Variants in EDA observed in about 807,000 individuals in gnomAD.
EDA encodes ectodysplasin-A.
EDA carries 2 observed loss-of-function variants against 23.6 expected under a neutral mutation model. That is an observed-to-expected ratio of 0.08 (90% CI 0.03 to 0.27). EDA has a LOEUF of 0.27. EDA is among the 10% of genes least tolerant of loss of function. The pLI, the probability that EDA is intolerant of heterozygous loss-of-function variation, is 1.00. For synonymous variants in EDA, 131 were observed against 132.0 expected, an observed-to-expected ratio of 0.99 and a Z score of 0.05; for missense variants, 229 against 324.2, an observed-to-expected ratio of 0.71 and a Z score of 2.26.
rs1216793513 is a variant in EDA at position 69,923,375 on chromosome X, T to G, written c.397-33652T>G. Among the ~76,000 whole-genome samples, 3 of 110,443 alleles carry G rather than the reference T, an allele frequency of 2.7e-5. No homozygotes were observed. In the Admixed American group the frequency reaches 2.9e-4, roughly 11 times the overall value. On this transcript the variant is annotated intron_variant, in intron 1 of 7. Transcript: ENST00000374552. ...TTATTGTTCAACTCCCACTTATGAG[T>G]GAGAACATGAGGTGTTTGGTTTTCT...
Position 69,956,309 on chromosome X carries a change from TTC to T in EDA, c.397-714_397-713del, listed in dbSNP as rs376974154. On this transcript the variant is annotated intron_variant, in intron 1 of 7. Coordinates refer to ENST00000374552, the MANE Select transcript of EDA (RefSeq NM_001399.5). Reference sequence around the variant, plus strand: ...TTTCTTTCTTTCTTTCTTTCTTTCTTTCTCTTTCTCTTTCTCTTTCTCTTTCT... The same window carrying T: ...TTTCTTTCTTTCTTTCTTTCTTTCTTTCTTTCTCTTTCTCTTTCTCTTTCT... Among the ~76,000 whole-genome samples, 703 of 87,851 alleles carry T rather than the reference TTC, an allele frequency of 8.0e-3. 7 individuals are homozygous for T. The highest frequency in any genetic ancestry group is 0.029 in the African/African-American group (647 of 22,344). The allele number at this position is 87,851 out of a possible 115,157, so 76.3% of individuals were successfully genotyped here.
chrX:69,937,625 A>G (rs2018693515), intron 1 of EDA: 5 of 1,109,256 alleles, frequency 4.5e-6, no homozygotes, highest in Non-Finnish European at 3.7e-6. Context: ...ACTGGGTCTC[A>G]ATTCCTTCCT....
intron 2 of EDA, among the ~76,000 whole-genome samples, chrX:69,983,185 C>A (rs1602584731): frequency 2.0e-5 from 1 of 50,299 alleles, no homozygotes. Flanking sequence ...GAATACAGCA[C>A]ACTGATGGGT....
At chrX:69,711,973 G>C (rs1302036045) in intron 1 of EDA, among the ~76,000 whole-genome samples, 3 of 110,873 alleles carry the variant, frequency 2.7e-5, no homozygotes, top group South Asian at 3.8e-4. Flanking sequence ...TTTTTGAAGG[G>C]TTTTTTGTGT....
intron 1 of EDA, among the ~76,000 whole-genome samples, chrX:69,795,411 G>C (rs2015517251): frequency 8.9e-6 from 1 of 112,606 alleles, no homozygotes; most frequent in East Asian, 2.8e-4. Flanking sequence ...CTAAATCTTT[G>C]TGTACATCCT....
chrX:69,621,473 A>G (rs1435834639), intron 1 of EDA, among the ~76,000 whole-genome samples: 1 of 112,087 alleles, frequency 8.9e-6, no homozygotes, highest in Non-Finnish European at 1.9e-5. Context: ...ATAGAACATT[A>G]TTATATGCCA....
At chrX:69,910,403 G>A (rs905299540) in intron 1 of EDA, among the ~76,000 whole-genome samples, 10 of 106,687 alleles carry the variant, frequency 9.4e-5, no homozygotes, top group African/African-American at 3.4e-4. Context: ...GTGTGTGTGT[G>A]TGTGTGTGTG....
intron 1 of EDA, among the ~76,000 whole-genome samples, chrX:69,773,570 C>G (rs2014696646): frequency 9.0e-6 from 1 of 111,533 alleles, no homozygotes; most frequent in African/African-American, 3.3e-5. Context: ...CTTGCCAACA[C>G]TTGTTATTTT....
chrX:69,703,667 C>T (rs2011603780), intron 1 of EDA, among the ~76,000 whole-genome samples: 1 of 111,642 alleles, frequency 9.0e-6, no homozygotes, highest in Non-Finnish European at 1.9e-5. Context: ...CGGCCTCTCT[C>T]TCGGTCTTCA....
chrX:69,901,865 A>T (rs145292375), intron 1 of EDA, among the ~76,000 whole-genome samples: 2 of 111,795 alleles, frequency 1.8e-5, no homozygotes, highest in East Asian at 5.6e-4. Flanking sequence ...TTCAATTCAC[A>T]CATTCTTTCT....
chrX:69,724,303 C>A (rs2012707253), intron 1 of EDA, among the ~76,000 whole-genome samples: 1 of 111,815 alleles, frequency 8.9e-6, no homozygotes, highest in Non-Finnish European at 1.9e-5. Context: ...AGTCCTTGGG[C>A]CTGATTTGGA....
chrX:69,654,346 G>T (rs1445842589), intron 1 of EDA, among the ~76,000 whole-genome samples: 1 of 111,526 alleles, frequency 9.0e-6, no homozygotes, highest in Non-Finnish European at 1.9e-5. Context: ...TACACTGTTG[G>T]TAGGACTGTA....
At position 69,746,738 on chromosome X, in the gene EDA, C is replaced by A. The variant is rs189711151; in HGVS notation, c.396+130034C>A. On this transcript the variant is annotated intron_variant, in intron 1 of 7. Transcript: ENST00000374552. Reference sequence around the variant, plus strand: ...AGGGATTCCTACCCTCCTCTTTGCCCTCCGCACCAAAATAAAAAAGAAAGA... The same window carrying A: ...AGGGATTCCTACCCTCCTCTTTGCCATCCGCACCAAAATAAAAAAGAAAGA... Among the ~76,000 whole-genome samples the A allele has an allele frequency of 2.5e-3, 280 of 110,804 alleles. 4 individuals are homozygous for A. The highest frequency in any genetic ancestry group is 0.024 in the Admixed American group (245 of 10,420).
intron 1 of EDA, among the ~76,000 whole-genome samples, chrX:69,639,656 A>G (rs975670417): frequency 9.0e-6 from 1 of 111,615 alleles, no homozygotes; most frequent in Non-Finnish European, 1.9e-5. Flanking sequence ...TATATTCTAG[A>G]TATTAACCTC....
intron 1 of EDA, among the ~76,000 whole-genome samples, chrX:69,945,974 G>C (rs1170646348): frequency 8.9e-6 from 1 of 111,988 alleles, no homozygotes; most frequent in African/African-American, 3.2e-5. Context: ...GACACACCTG[G>C]ACACATGGGG....
chrX:70,004,504 A>G lies in EDA; in HGVS notation c.503-18714A>G, dbSNP rs184279564. Among the ~76,000 whole-genome samples, 96 of 112,088 alleles carry G rather than the reference A, an allele frequency of 8.6e-4. 1 individual carries two copies. Among genetic ancestry groups the G allele is most frequent in the African/African-American group, 3.1e-3 (94 of 30,801 alleles). On this transcript the variant is annotated intron_variant, in intron 2 of 7. Transcript: ENST00000374552. ...ATTCAAAATTCTCACTCTTCTTTGA[A>G]GCTAATGGCTTCTATCTTCTTCATA...
chrX:69,633,677 C>T (rs1433516912), intron 1 of EDA, among the ~76,000 whole-genome samples: 1 of 69,942 alleles, frequency 1.4e-5, no homozygotes, highest in Non-Finnish European at 2.5e-5. Context: ...CATGCTGGAA[C>T]ATGTATCCGT....
chrX:69,925,809 T>A (rs1314730806), intron 1 of EDA, among the ~76,000 whole-genome samples: 1 of 99,435 alleles, frequency 1.0e-5, no homozygotes, highest in East Asian at 3.0e-4. Context: ...TGGTTGGTAG[T>A]CTATTAATTA....
chrX:69,631,381 CAAA>C (rs1212176285), intron 1 of EDA, among the ~76,000 whole-genome samples: 6 of 52,804 alleles, frequency 1.1e-4, no homozygotes, highest in Admixed American at 2.5e-4. Context: ...GACTCCGTGT[CAAA>C]AAAAAAAAAA....
Sources: allele counts gnomAD v4.1 joint callset (sites outside exome capture counted in the v4.1 genomes callset), GRCh38; gene constraint gnomAD v4.1.1; transcripts MANE v1.5; gene names NCBI Gene and HGNC (gene_info 2026-07-23, HGNC 2026-07-21).